RIMS1: variants seen among roughly 807,000 people sequenced by gnomAD.
The protein encoded by RIMS1 is regulating synaptic membrane exocytosis 1.
A neutral mutation model predicts 214.1 loss-of-function variants in RIMS1; 83 were observed. That is an observed-to-expected ratio of 0.39 (90% CI 0.32 to 0.47). The LOEUF (loss-of-function observed/expected upper bound fraction) is 0.47. RIMS1 is among the 20% of genes least tolerant of loss of function. RIMS1 has a pLI of 0.99. For missense variants in RIMS1, 2,050 were observed against 2,161.8 expected (o/e 0.95, Z 1.03); for synonymous variants, 793 against 786.8 (o/e 1.01, Z -0.13).
Position 72,242,345 on chromosome 6 carries a change from C to T in RIMS1, c.1989C>T (p.Pro663=). 6.4e-7 allele frequency: 1 copy of T among 1,564,076 alleles called. No individual in the cohort carries two copies. The highest frequency in any genetic ancestry group is 8.7e-7 in the Non-Finnish European group (1 of 1,152,380). Residue 663 remains proline (P), a synonymous_variant, in exon 10 of 34, where the codon CCC becomes CCT. Coordinates refer to ENST00000521978, the MANE Select transcript of RIMS1 (RefSeq NM_014989.7). ...AAGTTCTAGAATGGAATGGTAAACC[C>T]CTGCCGGGAGCTACAAATGAAGAAG... ...GDEVLEWNGK[P]LPGATNEEVY...
intron 29 of RIMS1, among the ~76,000 whole-genome samples, chr6:72,342,542 C>G (rs2097128256): frequency 6.6e-6 from 1 of 151,488 alleles, no homozygotes; most frequent in Non-Finnish European, 1.5e-5. Context: ...ATGTAGCAGT[C>G]CTTTTTTCTT....
chr6:71,984,914 A>G (rs887390877), intron 2 of RIMS1, among the ~76,000 whole-genome samples: 4 of 151,970 alleles, frequency 2.6e-5, no homozygotes, highest in East Asian at 1.9e-4. Context: ...CCCCTTCCCT[A>G]TTCCTTAGCA....
chr6:71,986,573 G>A (rs189366104), intron 2 of RIMS1, among the ~76,000 whole-genome samples: 24 of 152,324 alleles, frequency 1.6e-4, no homozygotes, highest in Admixed American at 1.2e-3. Context: ...GATGTTGAAT[G>A]AGGAGAAAAT....
At chr6:72,197,277 A>C (rs1482187614) in intron 6 of RIMS1, among the ~76,000 whole-genome samples, 1 of 152,130 alleles carries the variant, frequency 6.6e-6, no homozygotes, top group Non-Finnish European at 1.5e-5. Flanking sequence ...CACACAGGAA[A>C]ATCCACTGAT....
chr6:72,100,190 T>G (rs369731567), intron 4 of RIMS1, among the ~76,000 whole-genome samples: 1 of 152,082 alleles, frequency 6.6e-6, no homozygotes, highest in South Asian at 2.1e-4. Flanking sequence ...CTGGATAGTT[T>G]GAGTTCATGA....
At chr6:72,158,174 T>C (rs1009427996) in intron 4 of RIMS1, among the ~76,000 whole-genome samples, 1 of 141,094 alleles carries the variant, frequency 7.1e-6, no homozygotes, top group Non-Finnish European at 1.6e-5. Flanking sequence ...CTCTTTAGTA[T>C]TTCTTTTCCT....
At chr6:71,893,252 A>G (rs1770527560) in intron 1 of RIMS1, among the ~76,000 whole-genome samples, 1 of 151,850 alleles carries the variant, frequency 6.6e-6, no homozygotes, top group Non-Finnish European at 1.5e-5. Flanking sequence ...AGAATTTGAC[A>G]AGGAGTTAAA....
intron 2 of RIMS1, among the ~76,000 whole-genome samples, chr6:72,050,056 T>G (rs1824191867): frequency 6.6e-6 from 1 of 152,128 alleles, no homozygotes; most frequent in African/African-American, 2.4e-5. Flanking sequence ...AAAATGTTAA[T>G]TAGTGATAAA....
Position 72,182,786 on chromosome 6 carries a change from C to G in RIMS1, c.1315C>G (p.Pro439Ala), listed in dbSNP as rs1311976270. The change falls in exon 6 of 34, where the codon CCG becomes GCG. Residue 439 changes from proline (P) to alanine (A), a missense_variant. Physicochemically the swap from Pro to Ala is conservative, Grantham distance 27. Transcript: ENST00000521978. The stretch of plus-strand genomic sequence containing the variant: ...TGAGAGAACTGCGGAGACCAGGGCG[C>G]CGGGCGCCAAGCAGCTAACGAACCA... ...SAERTAETRA[P>A]GAKQLTNHSP... 6.5e-7 allele frequency: 1 copy of G among 1,545,920 alleles called. No homozygotes were observed. The highest frequency in any genetic ancestry group is 1.4e-5 in the African/African-American group (1 of 73,152).
chr6:72,205,034 G>A (rs2052661922), intron 6 of RIMS1, among the ~76,000 whole-genome samples: 1 of 152,028 alleles, frequency 6.6e-6, no homozygotes, highest in East Asian at 1.9e-4. Context: ...TTTGTTTCTT[G>A]TGTAATTACA....
intron 26 of RIMS1, among the ~76,000 whole-genome samples, chr6:72,301,310 A>G (rs546004498): frequency 6.6e-5 from 10 of 151,874 alleles, no homozygotes; most frequent in Admixed American, 2.0e-4. Flanking sequence ...ATATTTTAAA[A>G]TTTAATCTTT....
rs70994114 is a variant in RIMS1 at position 72,200,857 on chromosome 6, TTGTGTGTGTGTG to T, written c.1678+17739_1678+17750del. ...TTGAGAAGAGATTGAAAGGACACAA[TTGTGTGTGTGTG>T]TGTGTGTGTGTGTGTGTGTGTGTGT... On this transcript the variant is annotated intron_variant, in intron 6 of 33. Coordinates refer to ENST00000521978, the MANE Select transcript of RIMS1 (RefSeq NM_014989.7). Among the ~76,000 whole-genome samples the T allele has an allele frequency of 5.3e-4, 77 of 146,240 alleles. 1 individual carries two copies. The highest frequency in any genetic ancestry group is 3.4e-3 in the South Asian group (15 of 4,470).
At chr6:72,269,839 CT>C (rs1419920074) in intron 22 of RIMS1, among the ~76,000 whole-genome samples, 3 of 152,042 alleles carry the variant, frequency 2.0e-5, no homozygotes, top group Middle Eastern at 3.2e-3. Context: ...AAATATTCTT[CT>C]TCCTTTGTTG....
chr6:72,244,502 G>A (rs2068487609), intron 10 of RIMS1, among the ~76,000 whole-genome samples: 1 of 151,648 alleles, frequency 6.6e-6, no homozygotes, highest in South Asian at 2.1e-4. Flanking sequence ...CTATGAGGCT[G>A]ATTTTTTAAG....
intron 29 of RIMS1, among the ~76,000 whole-genome samples, chr6:72,359,470 A>T (rs956438251): frequency 7.9e-5 from 12 of 152,064 alleles, no homozygotes; most frequent in African/African-American, 2.9e-4. Flanking sequence ...CCCTAAAAGC[A>T]ATTTGCTTTT....
At chr6:72,307,142 T>G in intron 26 of RIMS1, 116 bp from the exon 27 acceptor site, 1 of 679,156 alleles carries the variant, frequency 1.5e-6, no homozygotes, top group Non-Finnish European at 2.6e-6. Context: ...TAATCATGTG[T>G]TATTTCTAAA....
At chr6:72,218,030 GA>G (rs1482314642) in intron 6 of RIMS1, among the ~76,000 whole-genome samples, 12 of 150,304 alleles carry the variant, frequency 8.0e-5, no homozygotes, top group African/African-American at 2.9e-4. Context: ...TTTTCATGTA[GA>G]AAAAAGACAC....
intron 9 of RIMS1, 149 bp downstream of exon 9, chr6:72,238,071 C>A (rs2807525): frequency 2.3e-6 from 1 of 436,258 alleles, no homozygotes; most frequent in Non-Finnish European, 4.0e-6. Context: ...TTTTAATGCA[C>A]GAATAAAGAC....
chr6:72,148,489 C>T (rs1315800538), intron 4 of RIMS1: 1 of 391,642 alleles, frequency 2.6e-6, no homozygotes, highest in African/African-American at 2.1e-5. Flanking sequence ...CACCACGTAG[C>T]AGGAAGGCCT....
Sources: gnomAD v4.1 joint callset for allele counts (sites outside exome capture counted in the v4.1 genomes callset) on GRCh38, gnomAD v4.1.1 for gene constraint, MANE v1.5 for transcripts, NCBI Gene and HGNC (gene_info 2026-07-23, HGNC 2026-07-21) for gene names.